SLIT2: variants seen among roughly 807,000 people sequenced by gnomAD.
SLIT2 encodes slit homolog 2 protein.
A neutral mutation model predicts 185.7 loss-of-function variants in SLIT2; 41 were observed. The ratio of observed to expected loss-of-function variants is 0.22; its 90% confidence interval spans 0.17 to 0.29. The LOEUF (loss-of-function observed/expected upper bound fraction) is 0.29. Among genes scored for constraint, SLIT2 ranks in the 10% least tolerant of loss-of-function variants. The pLI is 1.00. For synonymous variants in SLIT2, 693 were observed against 680.2 expected, an observed-to-expected ratio of 1.02 and a Z score of -0.29; for missense variants, 1,571 against 1,909.0, an observed-to-expected ratio of 0.82 and a Z score of 3.30.
At chr4:20,305,921 A>G (rs1048336148) in intron 4 of SLIT2, among the ~76,000 whole-genome samples, 1 of 134,134 alleles carries the variant, frequency 7.5e-6, no homozygotes, top group Non-Finnish European at 1.6e-5. Context: ...TAATAATAAT[A>G]ATCCTAAAGA....
rs1435869612 is a variant in SLIT2 at position 20,446,882 on chromosome 4, G to A, written c.396-20870G>A. Among the ~76,000 whole-genome samples the A allele has an allele frequency of 2.6e-5, 4 of 152,318 alleles. No individual in the cohort carries two copies. The East Asian group carries it at 5.8e-4, about 22-fold the overall frequency. On this transcript the variant is annotated intron_variant, in intron 4 of 36. Coordinates refer to ENST00000504154, the MANE Select transcript of SLIT2 (RefSeq NM_004787.4). ...TCTGTGTTGTAGCAAATGAGATAAT[G>A]TAAATGATATTATATGTTTATGAAT...
intron 4 of SLIT2, among the ~76,000 whole-genome samples, chr4:20,331,012 T>C (rs184290847): frequency 2.0e-5 from 3 of 152,208 alleles, no homozygotes; most frequent in Admixed American, 1.3e-4. Flanking sequence ...AAATATTCCG[T>C]AGACAACTAA....
chr4:20,536,968 A>G (rs1722354633), intron 18 of SLIT2, among the ~76,000 whole-genome samples: 1 of 152,038 alleles, frequency 6.6e-6, no homozygotes, highest in Non-Finnish European at 1.5e-5. Flanking sequence ...ATCTCCCTCC[A>G]CACCTTGTCC....
At chr4:20,411,230 CTTGTCGAGGCA>C (rs1455315492) in intron 4 of SLIT2, among the ~76,000 whole-genome samples, 2 of 152,172 alleles carry the variant, frequency 1.3e-5, no homozygotes, top group East Asian at 3.9e-4. Flanking sequence ...CCAGACACAG[CTTGTCGAGGCA>C]CCACATTCAG....
At chr4:20,433,435 C>T (rs914487017) in intron 4 of SLIT2, among the ~76,000 whole-genome samples, 2 of 152,116 alleles carry the variant, frequency 1.3e-5, no homozygotes, top group Non-Finnish European at 2.9e-5. Flanking sequence ...TTCAGATTCC[C>T]GGAGTGTGGT....
rs750725273 is a variant in SLIT2, at chr4:20,567,386, G to C, written c.2850G>C (p.Lys950Asn). The C allele has an allele frequency of 7.4e-6, 12 of 1,613,168 alleles. No homozygotes were observed. The highest frequency in any genetic ancestry group is 1.7e-4 in the Middle Eastern group (1 of 6,048). Residue 950 changes from lysine (K) to asparagine (N), a missense_variant and splice_region_variant, in exon 27 of 37, where the codon AAG becomes AAC. Transcript: ENST00000504154. ...GATGCACCTGTCCATATGGTTTCAA[G>C]GTAAGTAAAAGCACTTTAAGAGTCA... ...FYRCTCPYGF[K>N]GQDCDVPIHA...
intron 5 of SLIT2, among the ~76,000 whole-genome samples, chr4:20,477,235 C>T (rs1219543271): frequency 6.7e-6 from 1 of 150,272 alleles, no homozygotes; most frequent in Non-Finnish European, 1.5e-5. Context: ...GCTCTTGTTG[C>T]CCAGGTGGGA....
chr4:20,460,114 T>G (rs1713536002), intron 4 of SLIT2, among the ~76,000 whole-genome samples: 1 of 152,054 alleles, frequency 6.6e-6, no homozygotes, highest in African/African-American at 2.4e-5. Flanking sequence ...TCCACCCACC[T>G]CAGCCTCCCA....
At chr4:20,379,199 T>C (rs2109337491) in intron 4 of SLIT2, among the ~76,000 whole-genome samples, 1 of 152,256 alleles carries the variant, frequency 6.6e-6, no homozygotes, top group African/African-American at 2.4e-5. Context: ...ACTCATCAGT[T>C]GTAATAAAGA....
At chr4:20,481,099 T>TAA (rs34462059) in intron 6 of SLIT2, among the ~76,000 whole-genome samples, 9 of 151,086 alleles carry the variant, frequency 6.0e-5, no homozygotes, top group Non-Finnish European at 7.4e-5. Context: ...AAAAATAACA[T>TAA]AAAAAAAAAC....
At chr4:20,312,771 C>CA (rs34372893) in intron 4 of SLIT2, among the ~76,000 whole-genome samples, 1,163 of 101,932 alleles carry the variant, frequency 0.011, 16 homozygotes, top group African/African-American at 0.028. Context: ...GACTTTGTCT[C>CA]AAAAAAAAAA....
At chr4:20,606,633 T>A (rs1728816261) in intron 33 of SLIT2, among the ~76,000 whole-genome samples, 1 of 152,178 alleles carries the variant, frequency 6.6e-6, no homozygotes, top group Admixed American at 6.5e-5. Context: ...GATTAGACAT[T>A]TAAAGCTTTT....
chr4:20,466,780 T>C (rs938357064), intron 4 of SLIT2, among the ~76,000 whole-genome samples: 2 of 152,310 alleles, frequency 1.3e-5, no homozygotes, highest in South Asian at 4.1e-4. Context: ...TTCGTATTTC[T>C]TTGTGAGCAT....
intron 4 of SLIT2, among the ~76,000 whole-genome samples, chr4:20,274,272 G>A (rs566232822): frequency 2.6e-5 from 4 of 152,130 alleles, no homozygotes; most frequent in East Asian, 1.9e-4. Context: ...TGGGCCCAAG[G>A]GACTATGTTT....
intron 20 of SLIT2, 34 bp downstream of exon 20, chr4:20,541,653 G>A (rs368719829): frequency 3.8e-6 from 6 of 1,568,712 alleles, no homozygotes; most frequent in African/African-American, 1.3e-5. Flanking sequence ...TGATTGTCAG[G>A]CATTCACATG....
At chr4:20,555,761 GA>G (rs1724200224) in intron 26 of SLIT2, among the ~76,000 whole-genome samples, 1 of 151,774 alleles carries the variant, frequency 6.6e-6, no homozygotes, top group Admixed American at 6.6e-5. Flanking sequence ...ACTCATCTGA[GA>G]TTTTTTTTAA....
chr4:20,352,354 G>A (rs1001440167), intron 4 of SLIT2, among the ~76,000 whole-genome samples: 4 of 151,656 alleles, frequency 2.6e-5, no homozygotes, highest in African/African-American at 7.3e-5. Flanking sequence ...TGTTTTAACT[G>A]ATATTTTGTC....
Position 20,524,124 on chromosome 4 carries a change from G to A in SLIT2, c.1385G>A (p.Arg462His), listed in dbSNP as rs769078226. 27 of 1,613,952 alleles carry A rather than the reference G, an allele frequency of 1.7e-5. No individual in the cohort carries two copies. Among genetic ancestry groups the A allele is most frequent in the East Asian group, 1.3e-4 (6 of 44,886 alleles). Residue 462 changes from arginine to histidine, a missense_variant, in exon 14 of 37, where the codon CGC (arginine) becomes CAC (histidine). Arg to His is a conservative substitution (Grantham distance 29). Transcript: ENST00000504154. ...GGTGCCCGTTGCACCAGCCCCCGCC[G>A]CCTGGCAAACAAAAGAATTGGACAG... ...TSGARCTSPRRLANKRIGQIK... is the reference protein window; with the variant it reads ...TSGARCTSPRHLANKRIGQIK...
chr4:20,410,382 G>C (rs1466883963), intron 4 of SLIT2, among the ~76,000 whole-genome samples: 1 of 150,254 alleles, frequency 6.7e-6, no homozygotes, highest in Admixed American at 6.7e-5. Flanking sequence ...CCAAGTAGCT[G>C]GGATTACAGG....
Sources: gnomAD v4.1 joint callset for allele counts (sites outside exome capture counted in the v4.1 genomes callset) on GRCh38, gnomAD v4.1.1 for gene constraint, MANE v1.5 for transcripts, NCBI Gene and HGNC (gene_info 2026-07-23, HGNC 2026-07-21) for gene names.